MRPL48: variants seen among roughly 807,000 people sequenced by gnomAD.
The protein encoded by MRPL48 is mitochondrial ribosomal protein L48, also known as large ribosomal subunit protein mL48.
MRPL48 carries 16 observed loss-of-function variants against 32.9 expected under a neutral mutation model. That is an observed-to-expected ratio of 0.49 (90% CI 0.33 to 0.74). The LOEUF is 0.74. Among genes scored for constraint, MRPL48 ranks in the 30% least tolerant of loss-of-function variants. MRPL48 has a pLI of 0.02. For synonymous variants in MRPL48, 94 were observed against 89.2 expected, an observed-to-expected ratio of 1.05 and a Z score of -0.31; for missense variants, 206 against 245.3, an observed-to-expected ratio of 0.84 and a Z score of 1.07.
chr11:73,827,814 C>A (rs1017572614), intron 4 of MRPL48, among the ~76,000 whole-genome samples: 2 of 152,196 alleles, frequency 1.3e-5, no homozygotes, highest in Non-Finnish European at 2.9e-5. Context: ...TACCACCTAT[C>A]AGGCCTGTAT....
chr11:73,821,050 A>C (rs922883911), intron 3 of MRPL48, among the ~76,000 whole-genome samples: 6 of 152,208 alleles, frequency 3.9e-5, no homozygotes, highest in Non-Finnish European at 8.8e-5. Context: ...ACTGGAGTAC[A>C]GCATCATGAT....
At chr11:73,788,350 A>G (rs889368742) in intron 1 of MRPL48, among the ~76,000 whole-genome samples, 4 of 152,004 alleles carry the variant, frequency 2.6e-5, no homozygotes, top group Non-Finnish European at 5.9e-5. Context: ...ATTTGCATTC[A>G]GTTATCAACT....
chr11:73,861,134 TAA>T (rs1948578564), intron 6 of MRPL48, among the ~76,000 whole-genome samples: 1 of 152,224 alleles, frequency 6.6e-6, no homozygotes, highest in Admixed American at 6.5e-5. Context: ...ATATTAAATT[TAA>T]GTCTAAATAT....
intron 5 of MRPL48, among the ~76,000 whole-genome samples, chr11:73,857,849 T>C (rs1439260206): frequency 6.6e-6 from 1 of 152,108 alleles, no homozygotes; most frequent in Non-Finnish European, 1.5e-5. Flanking sequence ...TGCCTCAACC[T>C]CCCAAAGGGC....
rs558494016 is a variant in MRPL48, at chr11:73,828,722, A to G, written c.201+2926A>G. 9.3e-5 allele frequency among the ~76,000 whole-genome samples: 14 copies of G among 150,996 alleles called. No homozygotes were observed. The South Asian group carries it at 2.7e-3, about 29-fold the overall frequency. ...GAGTTGTGACACCTTAGAGTAAATT[A>G]TTGAAGTTGTTTTATTTTGAGACAT... is the stretch of plus-strand genomic sequence containing the variant. On this transcript the variant is annotated intron_variant, in intron 4 of 7. Transcript: ENST00000310614.
chr11:73,863,119 T>TA lies in MRPL48; in HGVS notation c.475-52dup, dbSNP rs376288296. 1.0e-5 allele frequency: 15 copies of TA among 1,476,726 alleles called. No homozygotes were observed. The African/African-American group carries it at 2.1e-4, about 21-fold the overall frequency. The allele number at this position is 1,476,726 out of a possible 1,614,324, so 91.5% of individuals were successfully genotyped here. A position where few individuals can be genotyped will look rare whatever the true frequency, so the allele number is the denominator to read the frequency against. On this transcript the variant is annotated intron_variant, in intron 6 of 7. Transcript: ENST00000310614. ...TGAACCCATACCATGTCTGCCCAGT[T>TA]ACCTCGTTTTCAGCTCCTCCCACCT... is the stretch of plus-strand genomic sequence containing the variant.
intron 3 of MRPL48, chr11:73,817,747 A>T: frequency 3.2e-6 from 1 of 309,852 alleles, no homozygotes; most frequent in Non-Finnish European, 6.5e-6. Flanking sequence ...ACTTGAAAGC[A>T]CACAGTTTTG....
intron 5 of MRPL48, among the ~76,000 whole-genome samples, chr11:73,849,678 A>G (rs1022222933): frequency 2.0e-5 from 3 of 152,218 alleles, no homozygotes; most frequent in Non-Finnish European, 4.4e-5. Flanking sequence ...TGTTGTTTCC[A>G]GTTTTTGGCA....
At chr11:73,859,522 C>T (rs1948546070) in intron 5 of MRPL48, among the ~76,000 whole-genome samples, 1 of 152,138 alleles carries the variant, frequency 6.6e-6, no homozygotes, top group South Asian at 2.1e-4. Context: ...CTCAAGCCAT[C>T]CAGCTGCCCT....
intron 4 of MRPL48, among the ~76,000 whole-genome samples, chr11:73,828,616 A>G (rs1947942050): frequency 1.3e-5 from 2 of 152,182 alleles, no homozygotes; most frequent in African/African-American, 2.4e-5. Flanking sequence ...CAGACAATAT[A>G]CTTCCAGGCA....
intron 4 of MRPL48, 51 bp from the exon 5 acceptor site, chr11:73,844,756 G>C: frequency 6.5e-7 from 1 of 1,533,598 alleles, no homozygotes; most frequent in Non-Finnish European, 8.8e-7. Flanking sequence ...AGTATTATTA[G>C]AATTTCTTGT....
chr11:73,836,844 A>G (rs1262059704), intron 4 of MRPL48, among the ~76,000 whole-genome samples: 1 of 152,214 alleles, frequency 6.6e-6, no homozygotes, highest in Admixed American at 6.5e-5. Context: ...ACACAGTGTC[A>G]TGTAGTGACT....
At chr11:73,820,814 T>A (rs998394584) in intron 3 of MRPL48, among the ~76,000 whole-genome samples, 1 of 150,172 alleles carries the variant, frequency 6.7e-6, no homozygotes, top group Non-Finnish European at 1.5e-5. Flanking sequence ...TTCTAGCTAC[T>A]TCCCCCCCAC....
intron 4 of MRPL48, among the ~76,000 whole-genome samples, chr11:73,832,966 C>T (rs1948022750): frequency 6.6e-6 from 1 of 152,080 alleles, no homozygotes; most frequent in Admixed American, 6.6e-5. Flanking sequence ...AAAAGTGTAA[C>T]TAAATACTTG....
chr11:73,809,854 G>A (rs183280027), intron 3 of MRPL48, among the ~76,000 whole-genome samples: 3 of 152,358 alleles, frequency 2.0e-5, no homozygotes, highest in African/African-American at 7.2e-5. Flanking sequence ...CTGTGTGCAA[G>A]GAAGTGTGGA....
chr11:73,860,277 A>T, intron 6 of MRPL48: 1 of 264,066 alleles, frequency 3.8e-6, no homozygotes, highest in Non-Finnish European at 7.3e-6. Flanking sequence ...GAGGCTTGAA[A>T]CTTGATACCC....
intron 5 of MRPL48, among the ~76,000 whole-genome samples, chr11:73,847,464 G>A (rs1002810880): frequency 4.1e-5 from 6 of 147,092 alleles, no homozygotes; most frequent in Non-Finnish European, 7.5e-5. Context: ...TTTTTGAGAC[G>A]GAGTCTTGCT....
chr11:73,792,004 C>T (rs1407882254), intron 1 of MRPL48, among the ~76,000 whole-genome samples: 2 of 152,154 alleles, frequency 1.3e-5, no homozygotes, highest in East Asian at 1.9e-4. Flanking sequence ...GTGATCCTCC[C>T]ACTTCAGCCT....
At chr11:73,788,110 C>G in intron 1 of MRPL48, 118 bp downstream of exon 1, 1 of 1,459,510 alleles carries the variant, frequency 6.9e-7, no homozygotes, top group Non-Finnish European at 9.3e-7. Context: ...GGATGAGACA[C>G]TGGGGCGCCC....
Sources: allele counts gnomAD v4.1 joint callset (sites outside exome capture counted in the v4.1 genomes callset), GRCh38; gene constraint gnomAD v4.1.1; transcripts MANE v1.5; gene names NCBI Gene and HGNC (gene_info 2026-07-23, HGNC 2026-07-21).